The following SNX6 variants were observed in gnomAD, a reference collection of about 807,000 sequenced individuals.
The protein encoded by SNX6 is sorting nexin 6.
In SNX6, 34 loss-of-function variants were observed where a neutral mutation model predicts 63.0. The observed-to-expected ratio is 0.54, with a 90% CI of 0.41 to 0.72. The LOEUF (loss-of-function observed/expected upper bound fraction) is 0.72. Among genes scored for constraint, SNX6 ranks in the 30% least tolerant of loss-of-function variants. SNX6 has a pLI of 0.00. For synonymous variants in SNX6, 170 were observed against 164.2 expected, an observed-to-expected ratio of 1.04 and a Z score of -0.27; for missense variants, 398 against 471.4, an observed-to-expected ratio of 0.84 and a Z score of 1.44.
chr14:34,607,316 A>G (rs921872101), intron 4 of SNX6, among the ~76,000 whole-genome samples: 1 of 152,070 alleles, frequency 6.6e-6, no homozygotes, highest in East Asian at 1.9e-4. Context: ...ATTTAAAAAA[A>G]CATATCAGGC....
Position 34,590,883 on chromosome 14 carries a change from T to C in SNX6, c.718+2162A>G, listed in dbSNP as rs548763538. On this transcript the variant is annotated intron_variant, in intron 8 of 13. Coordinates refer to ENST00000362031, the MANE Select transcript of SNX6 (RefSeq NM_152233.4). ...GTATATCCATTCAATGGAACACTAC[T>C]TAGCAACAAAAAGAAATGAACTATC... Among the ~76,000 whole-genome samples the C allele has an allele frequency of 3.0e-3, 451 of 152,294 alleles. 1 individual carries two copies. The highest frequency in any genetic ancestry group is 0.011 in the African/African-American group (437 of 41,556).
At chr14:34,604,253 C>G (rs1475028384) in intron 5 of SNX6, 1 of 1,283,404 alleles carries the variant, frequency 7.8e-7, no homozygotes. Context: ...ACCCAAGGTT[C>G]TCTGTTATCC....
At chr14:34,614,796 T>C (rs1883358150) in intron 2 of SNX6, among the ~76,000 whole-genome samples, 1 of 152,092 alleles carries the variant, frequency 6.6e-6, no homozygotes. Context: ...ACATTTGTAG[T>C]CTCTGCTACT....
At chr14:34,618,067 T>A (rs1566492394) in intron 2 of SNX6, among the ~76,000 whole-genome samples, 1 of 152,116 alleles carries the variant, frequency 6.6e-6, no homozygotes, top group Non-Finnish European at 1.5e-5. Context: ...GATGAGTGGA[T>A]GGGATGGGGC....
Position 34,562,741 on chromosome 14 carries a change from T to A in SNX6, c.*381A>T. ...TTCAAAAAAGGCAATCTTTATCTTG[T>A]TTCAACAATGCATTCTGAAAAGGTT... is the stretch of plus-strand genomic sequence containing the variant. On this transcript the variant is annotated 3_prime_UTR_variant, in exon 14 of 14. Transcript: ENST00000362031. 1 of 177,964 alleles carries A rather than the reference T, an allele frequency of 5.6e-6. No individual in the cohort carries two copies. 11.0% of individuals were successfully genotyped at this position (177,964 alleles called of 1,614,324 possible).
intron 13 of SNX6, among the ~76,000 whole-genome samples, chr14:34,563,575 GAA>G (rs200575142): frequency 2.1e-5 from 3 of 142,872 alleles, no homozygotes; most frequent in African/African-American, 7.8e-5. Flanking sequence ...AAAAAAATAA[GAA>G]AAAAAAAATA....
At chr14:34,593,925 A>C (rs1434789494) in intron 7 of SNX6, among the ~76,000 whole-genome samples, 1 of 151,830 alleles carries the variant, frequency 6.6e-6, no homozygotes, top group Non-Finnish European at 1.5e-5. Context: ...CATGTTGGCC[A>C]GGCTGGTCTC....
At chr14:34,570,373 CT>C (rs147036265) in intron 11 of SNX6, among the ~76,000 whole-genome samples, 357 of 143,034 alleles carry the variant, frequency 2.5e-3, no homozygotes, top group Admixed American at 2.8e-3. Flanking sequence ...GTCTTACCAG[CT>C]TTTTTTTTTT....
intron 2 of SNX6, among the ~76,000 whole-genome samples, chr14:34,626,920 T>C (rs1297200930): frequency 1.3e-5 from 2 of 152,200 alleles, no homozygotes; most frequent in Non-Finnish European, 2.9e-5. Context: ...ATATGCTTTA[T>C]ATTTAGAATA....
chr14:34,630,063 G>A, intron 1 of SNX6, 48 bp downstream of exon 1: 1 of 1,458,486 alleles, frequency 6.9e-7, no homozygotes, highest in East Asian at 2.9e-5. Flanking sequence ...CCCCGCGCCC[G>A]CTGCCCCCAC....
chr14:34,605,185 A>C (rs1326718200), intron 5 of SNX6, among the ~76,000 whole-genome samples: 1 of 152,158 alleles, frequency 6.6e-6, no homozygotes, highest in Admixed American at 6.6e-5. Flanking sequence ...CCACATTGAA[A>C]AAAGAGAACT....
In SNX6 at chr14:34,563,734, ATTTTT is replaced by A. The variant is rs200685087; in HGVS notation, c.1168-564_1168-560del. ...TTCTACATACCAGATTCTTCAGTAA[ATTTTT>A]TTTCTTTTTTTTTTTCTGAGATGGA... On this transcript the variant is annotated intron_variant, in intron 13 of 13. Coordinates refer to ENST00000362031, the MANE Select transcript of SNX6 (RefSeq NM_152233.4). Among the ~76,000 whole-genome samples, 4 of 43,646 alleles carry A rather than the reference ATTTTT, an allele frequency of 9.2e-5. No homozygotes were observed. The South Asian group carries it at 2.2e-3, about 24-fold the overall frequency. 28.6% of individuals were successfully genotyped at this position (43,646 alleles called of 152,430 possible).
chr14:34,587,900 ACCCG>A, intron 8 of SNX6, among the ~76,000 whole-genome samples: 1 of 131,344 alleles, frequency 7.6e-6, no homozygotes, highest in Admixed American at 8.3e-5. Flanking sequence ...AACCTCCACC[ACCCG>A]GGTTCAAGTG....
intron 4 of SNX6, among the ~76,000 whole-genome samples, chr14:34,606,510 T>C (rs1797027502): frequency 6.6e-6 from 1 of 151,230 alleles, no homozygotes; most frequent in South Asian, 2.1e-4. Context: ...TGGACTGCAA[T>C]GGCGTAATCT....
At chr14:34,624,656 C>T (rs1394739421) in intron 2 of SNX6, among the ~76,000 whole-genome samples, 1 of 151,560 alleles carries the variant, frequency 6.6e-6, no homozygotes, top group Non-Finnish European at 1.5e-5. Flanking sequence ...ATTAGCTGGG[C>T]GTGGTGGCGT....
chr14:34,627,575 C>T (rs879442923), intron 2 of SNX6, among the ~76,000 whole-genome samples: 1 of 151,976 alleles, frequency 6.6e-6, no homozygotes, highest in Non-Finnish European at 1.5e-5. Context: ...CTCCCAGGTT[C>T]CAGTGAATGA....
intron 5 of SNX6, chr14:34,604,054 G>GA (rs1251124032): frequency 7.4e-5 from 70 of 947,142 alleles, no homozygotes; most frequent in African/African-American, 1.8e-4. Context: ...TCAGTTTGGG[G>GA]GAAAAAAAAA....
In SNX6 at chr14:34,618,681, T is replaced by C. The variant is rs75608408; in HGVS notation, c.55-8939A>G. Among the ~76,000 whole-genome samples, 1,467 of 152,104 alleles carry C rather than the reference T, an allele frequency of 9.6e-3. 27 individuals carry two copies. The highest frequency in any genetic ancestry group is 0.034 in the African/African-American group (1,392 of 41,490). The stretch of plus-strand genomic sequence containing the variant: ...TTTTGAACACACAAACATGCTGCCG[T>C]CTCAGGGAGTCTTTGCAACCGCTGG... On this transcript the variant is annotated intron_variant, in intron 2 of 13. Coordinates refer to ENST00000362031, the MANE Select transcript of SNX6 (RefSeq NM_152233.4).
intron 2 of SNX6, among the ~76,000 whole-genome samples, chr14:34,621,262 G>A (rs1883612100): frequency 6.6e-6 from 1 of 152,054 alleles, no homozygotes; most frequent in African/African-American, 2.4e-5. Flanking sequence ...AACTTCTGAA[G>A]CCTCCTCTGA....
Sources: allele counts gnomAD v4.1 joint callset (sites outside exome capture counted in the v4.1 genomes callset), GRCh38; gene constraint gnomAD v4.1.1; transcripts MANE v1.5; gene names NCBI Gene and HGNC (gene_info 2026-07-23, HGNC 2026-07-21).